MKKS: variants seen among roughly 807,000 people sequenced by gnomAD.
The protein encoded by MKKS is molecular chaperone MKKS.
Under a neutral mutation model 33.2 loss-of-function variants are expected in MKKS, and 29 were observed. The ratio of observed to expected loss-of-function variants is 0.87; its 90% CI spans 0.65 to 1.19. MKKS has a LOEUF of 1.19. Among genes scored for constraint, MKKS ranks in the 50% most tolerant of loss-of-function variants. The probability of loss-of-function intolerance (pLI) is 0.00; values close to 1 mark genes in which losing one functional copy is unlikely to be tolerated. For missense variants in MKKS, 661 were observed against 662.3 expected, an observed-to-expected ratio of 1.00 and a Z score of 0.02; for synonymous variants, 260 against 244.0, an observed-to-expected ratio of 1.07 and a Z score of -0.61.
chr20:10,417,381 CAGG>C (rs1175908370), intron 2 of MKKS, among the ~76,000 whole-genome samples: 2 of 152,108 alleles, frequency 1.3e-5, no homozygotes, highest in Non-Finnish European at 2.9e-5. Context: ...GAGGCCAAGG[CAGG>C]AGGATTGCTT....
Position 10,402,767 on chromosome 20 carries a change from G to A in MKKS, c.*2480C>T, listed in dbSNP as rs1470802501. On this transcript the variant is annotated 3_prime_UTR_variant, in exon 6 of 6. Coordinates refer to ENST00000347364, the MANE Select transcript of MKKS (RefSeq NM_170784.3). ...ATGTGATAAAGAACCCTTCTTTTAG[G>A]TTGGGGTGATGATAAAAATGCAAAG... 2 of 152,170 alleles carry A rather than the reference G, an allele frequency of 1.3e-5. No homozygotes were observed. Among genetic ancestry groups the A allele is most frequent in the African/African-American group, 4.8e-5 (2 of 41,440 alleles). 9.4% of individuals were successfully genotyped at this position (152,170 alleles called of 1,614,324 possible).
intron 1 of MKKS, among the ~76,000 whole-genome samples, chr20:10,425,440 AT>A (rs2065009344): frequency 6.6e-6 from 1 of 152,224 alleles, no homozygotes; most frequent in Admixed American, 6.5e-5. Flanking sequence ...GAATTAACAA[AT>A]TTCTTAAAAA....
At chr20:10,428,710 G>GCA (rs2065033255) in intron 1 of MKKS, among the ~76,000 whole-genome samples, 1 of 152,124 alleles carries the variant, frequency 6.6e-6, no homozygotes, top group South Asian at 2.1e-4. Flanking sequence ...TGTGGTGGGT[G>GCA]CACCTGTAAT....
Position 10,412,911 on chromosome 20 carries a change from C to A in MKKS, c.604G>T (p.Val202Leu). 1.9e-6 allele frequency: 3 copies of A among 1,613,532 alleles called. No individual in the cohort carries two copies. Among genetic ancestry groups the A allele is most frequent in the Non-Finnish European group, 8.5e-7 (1 of 1,179,766 alleles). ...GHIILGKSLI[V>L]PLKGQRVIDS... ...ATAACTCTTTGACCTTTTAAAGGTA[C>A]AATTAAACTCTTTCCTAAAATGATG... The change falls in exon 3 of 6, where the codon GTA becomes TTA. Residue 202 changes from valine to leucine, a missense_variant. By Grantham distance (32) the Val-to-Leu change is conservative. Coordinates refer to ENST00000347364, the MANE Select transcript of MKKS (RefSeq NM_170784.3).
At chr20:10,418,142 C>T (rs2064953591) in intron 2 of MKKS, among the ~76,000 whole-genome samples, 1 of 152,096 alleles carries the variant, frequency 6.6e-6, no homozygotes, top group Non-Finnish European at 1.5e-5. Context: ...TGTGTTTATT[C>T]TTACTGTTAA....
At chr20:10,410,515 C>A (rs1171950369) in intron 3 of MKKS, among the ~76,000 whole-genome samples, 2 of 152,084 alleles carry the variant, frequency 1.3e-5, no homozygotes, top group Non-Finnish European at 2.9e-5. Flanking sequence ...CCTGTAGTTC[C>A]AGCTACTAGG....
Position 10,412,884 on chromosome 20 carries a change from C to G in MKKS, c.631G>C (p.Asp211His), listed in dbSNP as rs1224581387. 2 of 1,614,054 alleles carry G rather than the reference C, an allele frequency of 1.2e-6. No homozygotes were observed. The highest frequency in any genetic ancestry group is 1.7e-6 in the Non-Finnish European group (2 of 1,179,980). The change falls in exon 3 of 6, where the codon GAT (aspartate) becomes CAT (histidine). Residue 211 changes from aspartate (D) to histidine (H), a missense_variant. Transcript: ENST00000347364. Reference sequence around the variant, plus strand: ...AGTATCCCAGGTAATACAGTGGAATCTATAACTCTTTGACCTTTTAAAGGT... The same window carrying G: ...AGTATCCCAGGTAATACAGTGGAATGTATAACTCTTTGACCTTTTAAAGGT... Reference protein sequence around the residue: ...IVPLKGQRVIDSTVLPGILIE... With the variant: ...IVPLKGQRVIHSTVLPGILIE...
intron 1 of MKKS, among the ~76,000 whole-genome samples, chr20:10,423,610 C>A (rs906020022): frequency 1.3e-5 from 2 of 152,122 alleles, no homozygotes; most frequent in African/African-American, 4.8e-5. Context: ...ATAGTATGAA[C>A]CCTCTTTGAG....
intron 1 of MKKS, among the ~76,000 whole-genome samples, chr20:10,421,403 T>A (rs1176612822): frequency 7.5e-6 from 1 of 133,798 alleles, no homozygotes; most frequent in Non-Finnish European, 1.5e-5. Flanking sequence ...GGCAACAGAA[T>A]GAGACTCCAT....
At chr20:10,405,976 C>G (rs1305302955) in intron 5 of MKKS, among the ~76,000 whole-genome samples, 2 of 152,128 alleles carry the variant, frequency 1.3e-5, no homozygotes, top group East Asian at 3.9e-4. Context: ...CTGAATGAGG[C>G]TTGGTAGTGC....
Position 10,408,641 on chromosome 20 carries a change from C to T in MKKS, c.1148G>A (p.Trp383Ter). 1 of 1,614,048 alleles carries T rather than the reference C, an allele frequency of 6.2e-7. No homozygotes were observed. The highest frequency in any genetic ancestry group is 8.5e-7 in the Non-Finnish European group (1 of 1,179,998). The change falls in exon 4 of 6, where the codon TGG becomes TAG. Residue 383 changes from tryptophan (W) to a stop codon, truncating the protein, a stop_gained. Coordinates refer to ENST00000347364, the MANE Select transcript of MKKS (RefSeq NM_170784.3). LOFTEE classifies it high-confidence loss of function. ...LLLCNRNDTA[W>*]DELKLTCQTA... The stretch of plus-strand genomic sequence containing the variant: ...TTCATTACCTACCTTCAGCTCATCC[C>T]AGGCAGTGTCATTTCTGTTGCAGAG...
At chr20:10,409,977 CAAAAAAAAAAA>C (rs58776463) in intron 3 of MKKS, among the ~76,000 whole-genome samples, 39 of 54,238 alleles carry the variant, frequency 7.2e-4, no homozygotes, top group African/African-American at 3.0e-3. Context: ...GACTTTGTCT[CAAAAAAAAAAA>C]AAAAAAAAAA....
At chr20:10,417,813 C>A (rs1430063098) in intron 2 of MKKS, among the ~76,000 whole-genome samples, 1 of 151,824 alleles carries the variant, frequency 6.6e-6, no homozygotes, top group Non-Finnish European at 1.5e-5. Flanking sequence ...ATGAAAGTAG[C>A]CTCTTGATAT....
chr20:10,427,835 G>A (rs982757595), intron 1 of MKKS, among the ~76,000 whole-genome samples: 3 of 152,138 alleles, frequency 2.0e-5, no homozygotes, highest in African/African-American at 4.8e-5. Context: ...TCATAATTGA[G>A]TTCTAAAGTT....
rs138146314 is a variant in MKKS at position 10,406,383 on chromosome 20, T to G, written c.1273-696A>C. Among the ~76,000 whole-genome samples, 434 of 152,290 alleles carry G rather than the reference T, an allele frequency of 2.8e-3. 1 individual carries two copies. The highest frequency in any genetic ancestry group is 5.2e-3 in the Non-Finnish European group (354 of 68,024). ...GGTCCCATAAGATTATAAGGCCATATTTTTACTAACCTTTTCTGTGTGTTG... is the reference window on the plus strand; with the variant it reads ...GGTCCCATAAGATTATAAGGCCATAGTTTTACTAACCTTTTCTGTGTGTTG... On this transcript the variant is annotated intron_variant, in intron 5 of 5. Transcript: ENST00000347364.
At chr20:10,408,885 C>A in intron 3 of MKKS, 82 bp from the exon 4 acceptor site, 1 of 1,091,682 alleles carries the variant, frequency 9.2e-7, no homozygotes, top group South Asian at 1.4e-5. Context: ...TTATTCCTAG[C>A]CAACATAAAA....
At chr20:10,417,616 T>C (rs1375351730) in intron 2 of MKKS, among the ~76,000 whole-genome samples, 3 of 152,086 alleles carry the variant, frequency 2.0e-5, no homozygotes, top group African/African-American at 7.2e-5. Flanking sequence ...GCCCAAGAGT[T>C]TGAGGCTGCA....
intron 1 of MKKS, among the ~76,000 whole-genome samples, chr20:10,432,521 C>T (rs1020835435): frequency 5.8e-4 from 89 of 152,198 alleles, no homozygotes; most frequent in African/African-American, 2.1e-3. Flanking sequence ...GGCCAGACGC[C>T]GTGGGTCATG....
chr20:10,402,850 T>G lies in MKKS; in HGVS notation c.*2397A>C, dbSNP rs1435686847. 1 of 152,224 alleles carries G rather than the reference T, an allele frequency of 6.6e-6. No individual in the cohort carries two copies. The highest frequency in any genetic ancestry group is 1.5e-5 in the Non-Finnish European group (1 of 68,038). 9.4% of individuals were successfully genotyped at this position (152,224 alleles called of 1,614,324 possible). ...GTGACCAAGTTTTCAGTAAATAATT[T>G]ATTACAAATAAGCTTTTCCTCCTGC... is the stretch of plus-strand genomic sequence containing the variant. On this transcript the variant is annotated 3_prime_UTR_variant, in exon 6 of 6. Transcript: ENST00000347364.
Sources: allele counts gnomAD v4.1 joint callset (sites outside exome capture counted in the v4.1 genomes callset), GRCh38; gene constraint gnomAD v4.1.1; transcripts MANE v1.5; gene names NCBI Gene and HGNC (gene_info 2026-07-23, HGNC 2026-07-21).